ITGB5: variants seen among roughly 807,000 people sequenced by gnomAD.
ITGB5 encodes the protein integrin beta-5.
Under a neutral mutation model 84.8 loss-of-function variants are expected in ITGB5, and 38 were observed. The ratio of observed to expected loss-of-function variants is 0.45; its 90% CI spans 0.35 to 0.59. The LOEUF (loss-of-function observed/expected upper bound fraction) is 0.59. ITGB5 is among the 20% of genes least tolerant of loss of function. The pLI is 0.01. For missense variants in ITGB5, 905 were observed against 1,034.5 expected, an observed-to-expected ratio of 0.87 and a Z score of 1.72; for synonymous variants, 393 against 414.4, an observed-to-expected ratio of 0.95 and a Z score of 0.63.
upstream of ITGB5, among the ~76,000 whole-genome samples, chr3:124,890,072 C>T (rs529713626): frequency 6.6e-6 from 1 of 152,156 alleles, no homozygotes; most frequent in South Asian, 2.1e-4. Context: ...TGTTGCGTGC[C>T]AAGTGGTGAT....
intron 14 of ITGB5, among the ~76,000 whole-genome samples, 171 bp downstream of exon 14, chr3:124,764,220 C>T (rs1290430986): frequency 6.6e-6 from 1 of 152,196 alleles, no homozygotes; most frequent in Non-Finnish European, 1.5e-5. Flanking sequence ...TCACTCTGCA[C>T]TGGGGCTGTG....
At chr3:124,871,743 T>C (rs916594741) in intron 2 of ITGB5, among the ~76,000 whole-genome samples, 1 of 152,016 alleles carries the variant, frequency 6.6e-6, no homozygotes, top group African/African-American at 2.4e-5. Context: ...GGAGGACTGC[T>C]TGAGCCCAGG....
intron 5 of ITGB5, among the ~76,000 whole-genome samples, chr3:124,831,107 T>C (rs2064853815): frequency 6.6e-6 from 1 of 152,204 alleles, no homozygotes; most frequent in Non-Finnish European, 1.5e-5. Flanking sequence ...TATTCCCTCT[T>C]TTATAATGAT....
chr3:124,798,055 C>CTTTTTTTTTTTTTTTGT (rs2064258620), intron 9 of ITGB5, among the ~76,000 whole-genome samples: 1 of 103,656 alleles, frequency 9.6e-6, no homozygotes, highest in African/African-American at 4.0e-5. Flanking sequence ...TAGAATAAAG[C>CTTTTTTTTTTTTTTTGT]TTTTTTTTTT....
In ITGB5 at chr3:124,898,218, C is replaced by CTTT. The variant is rs11378220; in HGVS notation, c.-255+3045_-255+3047dup. Among the ~76,000 whole-genome samples the CTTT allele has an allele frequency of 3.0e-4, 44 of 145,150 alleles. 2 individuals are homozygous for CTTT. The East Asian group carries it at 3.2e-3, about 10-fold the overall frequency. The stretch of plus-strand genomic sequence containing the variant: ...TCTATTTGTATTGATGCTTTGAGGT[C>CTTT]TTTTTTTTTTTTTAACTTGAGACTG... On this transcript the variant is annotated intron_variant, in intron 1 of 4. Coordinates refer to the ITGB5 transcript ENST00000608657.
At chr3:124,788,642 T>C (rs1452910504) in intron 10 of ITGB5, among the ~76,000 whole-genome samples, 1 of 152,250 alleles carries the variant, frequency 6.6e-6, no homozygotes, top group African/African-American at 2.4e-5. Flanking sequence ...AGGATTTCTA[T>C]GATACCAGGT....
chr3:124,877,146 T>TG (rs998388067), intron 1 of ITGB5, among the ~76,000 whole-genome samples: 1 of 149,910 alleles, frequency 6.7e-6, no homozygotes, highest in Non-Finnish European at 1.5e-5. Context: ...AATTTTTTTT[T>TG]TTTTTTTTTG....
chr3:124,859,182 C>T, intron 3 of ITGB5, 60 bp downstream of exon 3: 3 of 1,509,482 alleles, frequency 2.0e-6, no homozygotes, highest in South Asian at 2.4e-5. Flanking sequence ...TAACAAGTCC[C>T]ACCTCCCCCA....
chr3:124,881,030 C>T lies in ITGB5; in HGVS notation c.70+5901G>A, dbSNP rs146066337. Among the ~76,000 whole-genome samples the T allele has an allele frequency of 1.9e-3, 296 of 152,228 alleles. 1 individual carries two copies. The highest frequency in any genetic ancestry group is 3.5e-3 in the Non-Finnish European group (240 of 68,016). On this transcript the variant is annotated intron_variant, in intron 1 of 14. Transcript: ENST00000296181. ...TGAGACAGAGTCTCTGTCTCCCAGG[C>T]TAGAGTACGGTGGTGTGATCTCAGC...
In ITGB5 at chr3:124,886,996, G is replaced by A; in HGVS notation, c.5C>T (p.Pro2Leu). ...GGCGTACAGCGGCGCCGGGGCCCGC[G>A]GCATGGTGGGGCGCCTCCCTCAGCG... M[P>L]RAPAPLYACL... The change falls in exon 1 of 15, where the codon CCG (proline) becomes CTG (leucine). Residue 2 changes from proline to leucine, a missense_variant. By Grantham distance (98) the Pro-to-Leu change is moderately conservative. Around this residue, in one of 3 missense-constraint regions of ITGB5, gnomAD observed 656 missense variants for 734.7 expected, o/e 0.89. Coordinates refer to ENST00000296181, the MANE Select transcript of ITGB5 (RefSeq NM_002213.5). 1.7e-6 allele frequency: 2 copies of A among 1,185,836 alleles called. No homozygotes were observed. Among genetic ancestry groups the A allele is most frequent in the Non-Finnish European group, 1.0e-6 (1 of 958,750 alleles). The allele number at this position is 1,185,836 out of a possible 1,614,324, so 73.5% of individuals were successfully genotyped here.
intron 2 of ITGB5, among the ~76,000 whole-genome samples, chr3:124,868,890 G>C (rs2065434598): frequency 6.6e-6 from 1 of 152,096 alleles, no homozygotes; most frequent in Non-Finnish European, 1.5e-5. Context: ...AGCCAACTAA[G>C]AGAGAACCAG....
intron 2 of ITGB5, among the ~76,000 whole-genome samples, chr3:124,864,974 TTCATCTGGCCCTGGC>T: frequency 6.6e-6 from 1 of 152,294 alleles, no homozygotes; most frequent in South Asian, 2.1e-4. Context: ...GAAGTTGAAG[TTCATCTGGCCCTGGC>T]TTCTTGGGCC....
intron 1 of ITGB5, among the ~76,000 whole-genome samples, chr3:124,885,065 G>A (rs1288509380): frequency 6.6e-6 from 1 of 152,214 alleles, no homozygotes; most frequent in African/African-American, 2.4e-5. Flanking sequence ...TAAGTGAGGA[G>A]TTCAAGACCA....
chr3:124,882,100 G>A (rs932506808), intron 1 of ITGB5, among the ~76,000 whole-genome samples: 6 of 152,148 alleles, frequency 3.9e-5, no homozygotes, highest in African/African-American at 1.2e-4. Context: ...GGGATGCATC[G>A]CCCTCTTCAC....
At chr3:124,851,159 T>A (rs182882509) in intron 3 of ITGB5, among the ~76,000 whole-genome samples, 7 of 152,284 alleles carry the variant, frequency 4.6e-5, no homozygotes, top group Non-Finnish European at 7.3e-5. Context: ...CTGAGAGGCA[T>A]CTATGGGATA....
chr3:124,840,748 T>TCCG (rs1358327944), intron 5 of ITGB5, among the ~76,000 whole-genome samples: 8 of 151,582 alleles, frequency 5.3e-5, no homozygotes, highest in African/African-American at 1.7e-4. Flanking sequence ...CACTGCAACC[T>TCCG]CCGCCTCCTG....
At chr3:124,814,478 T>A (rs61345712) in intron 8 of ITGB5, among the ~76,000 whole-genome samples, 3,691 of 134,984 alleles carry the variant, frequency 0.027, 175 homozygotes, top group African/African-American at 0.094. Flanking sequence ...TTTTCCAATT[T>A]AAAAAAAAAA....
chr3:124,861,495 T>TATATATATATATACAC (rs750712591), intron 2 of ITGB5, among the ~76,000 whole-genome samples: 27 of 112,010 alleles, frequency 2.4e-4, no homozygotes, highest in African/African-American at 7.2e-4. Flanking sequence ...TATATATATA[T>TATATATATATATACAC]ACACACACAC....
intron 9 of ITGB5, among the ~76,000 whole-genome samples, chr3:124,801,093 A>G (rs2064308340): frequency 6.6e-6 from 1 of 152,180 alleles, no homozygotes; most frequent in Non-Finnish European, 1.5e-5. Flanking sequence ...TCAACAAAAA[A>G]GGAGCTGGGA....
Sources: allele counts gnomAD v4.1 joint callset (sites outside exome capture counted in the v4.1 genomes callset), GRCh38; gene constraint gnomAD v4.1.1; regional missense constraint gnomAD v4.1.1; transcripts MANE v1.5; gene names NCBI Gene and HGNC (gene_info 2026-07-23, HGNC 2026-07-21).